PPIL4: variants seen among roughly 807,000 people sequenced by gnomAD.
PPIL4 encodes the protein peptidylprolyl isomerase like 4, also known as peptidyl-prolyl cis-trans isomerase-like 4.
PPIL4 carries 50 observed loss-of-function variants against 69.1 expected under a neutral mutation model. The observed-to-expected ratio is 0.72, with a 90% confidence interval of 0.58 to 0.92. The LOEUF is 0.92. PPIL4 is among the 40% of genes least tolerant of loss of function. PPIL4 has a pLI of 0.00. For synonymous variants in PPIL4, 193 were observed against 191.6 expected (o/e 1.01, Z -0.06); for missense variants, 480 against 587.9 (o/e 0.82, Z 1.90).
Position 149,535,714 on chromosome 6 carries a change from G to A in PPIL4, c.346C>T (p.Leu116=), listed in dbSNP as rs777575429. 14 of 1,606,742 alleles carry A rather than the reference G, an allele frequency of 8.7e-6. No homozygotes were observed. In the East Asian group the frequency reaches 3.1e-4, roughly 36 times the overall value. ...SQFLITTGEN[L]DYLDGVHTVF... ...GTATGGACACCATCAAGATAATCTAGATTTTCTCCTGTGGTGATAAGAAAC... is the reference window on the plus strand; with the variant it reads ...GTATGGACACCATCAAGATAATCTAAATTTTCTCCTGTGGTGATAAGAAAC... Residue 116 remains leucine, a synonymous_variant, in exon 5 of 13, where the codon CTA becomes TTA. Coordinates refer to ENST00000253329, the MANE Select transcript of PPIL4 (RefSeq NM_139126.4).
chr6:149,511,408 TGTGTGTGTGTGTACTTTTTGTCAAG>T (rs1776839727), intron 12 of PPIL4, among the ~76,000 whole-genome samples: 2 of 151,536 alleles, frequency 1.3e-5, no homozygotes, highest in South Asian at 2.1e-4. Flanking sequence ...TGTGTGTGTG[TGTGTGTGTGTGTACTTTTTGTCAAG>T]GTGTGTGTGT....
intron 10 of PPIL4, 144 bp downstream of exon 10, chr6:149,520,916 G>C (rs1454328817): frequency 1.3e-5 from 7 of 553,298 alleles, no homozygotes; most frequent in Non-Finnish European, 1.9e-5. Flanking sequence ...GGGAGGCTGA[G>C]GCATGAGAAT....
At chr6:149,544,976 C>A (rs928726361) in intron 1 of PPIL4, among the ~76,000 whole-genome samples, 1 of 152,176 alleles carries the variant, frequency 6.6e-6, no homozygotes, top group Non-Finnish European at 1.5e-5. Context: ...ATTCTCCACA[C>A]CGCTGCCTAT....
intron 10 of PPIL4, among the ~76,000 whole-genome samples, chr6:149,518,874 GAA>G (rs2115030884): frequency 1.3e-5 from 2 of 152,176 alleles, no homozygotes; most frequent in East Asian, 3.9e-4. Context: ...TTTATAAACT[GAA>G]AATAATACCA....
chr6:149,511,163 C>G (rs921489457), intron 12 of PPIL4, among the ~76,000 whole-genome samples: 51 of 152,034 alleles, frequency 3.4e-4, no homozygotes, highest in African/African-American at 1.2e-3. Context: ...TGAAATCCTT[C>G]TCATCCACCA....
At position 149,536,208 on chromosome 6, in the gene PPIL4, C is replaced by T. The variant is rs1583211757; in HGVS notation, c.322-470G>A. Among the ~76,000 whole-genome samples, 4 of 152,298 alleles carry T rather than the reference C, an allele frequency of 2.6e-5. No individual in the cohort carries two copies. In the South Asian group the frequency reaches 8.3e-4, roughly 32 times the overall value. On this transcript the variant is annotated intron_variant, in intron 4 of 12. Transcript: ENST00000253329. ...TGTTGTATGTGTTCTGACTACTCCA[C>T]CAACCAGCCATTCCCATCTTTCTCC... is the stretch of plus-strand genomic sequence containing the variant.
chr6:149,528,985 T>C (rs1291535210), intron 7 of PPIL4, among the ~76,000 whole-genome samples: 1 of 152,042 alleles, frequency 6.6e-6, no homozygotes, highest in Non-Finnish European at 1.5e-5. Flanking sequence ...TCCCAACACT[T>C]TGGGAGGCCA....
chr6:149,530,876 C>A (rs1167301735), intron 7 of PPIL4, among the ~76,000 whole-genome samples: 1 of 152,086 alleles, frequency 6.6e-6, no homozygotes, highest in Non-Finnish European at 1.5e-5. Context: ...AAGTGTCTAG[C>A]CACAGATTGT....
At chr6:149,508,410 A>G (rs150848549) in intron 12 of PPIL4, among the ~76,000 whole-genome samples, 33 of 152,328 alleles carry the variant, frequency 2.2e-4, no homozygotes, top group African/African-American at 7.9e-4. Context: ...AAGATGATTA[A>G]ACTACCATGT....
chr6:149,509,246 T>C (rs990135975), intron 12 of PPIL4, among the ~76,000 whole-genome samples: 3 of 152,202 alleles, frequency 2.0e-5, no homozygotes, highest in Admixed American at 6.5e-5. Flanking sequence ...CCCCAAAATC[T>C]TGATGCTTTT....
At chr6:149,514,476 C>T (rs1316346516) in intron 11 of PPIL4, among the ~76,000 whole-genome samples, 4 of 152,094 alleles carry the variant, frequency 2.6e-5, no homozygotes, top group African/African-American at 9.7e-5. Flanking sequence ...TGCACACCAC[C>T]ACACCCAGCT....
rs1276843562 is a variant in PPIL4 at position 149,504,916 on chromosome 6, C to T, written c.*537G>A. Reference sequence around the variant, plus strand: ...TATAGCAATAAAAATGAAAGAAAGTCACAGAAGTAAACATTTTGCCATTTA... The same window carrying T: ...TATAGCAATAAAAATGAAAGAAAGTTACAGAAGTAAACATTTTGCCATTTA... On this transcript the variant is annotated 3_prime_UTR_variant, in exon 13 of 13. Coordinates refer to ENST00000253329, the MANE Select transcript of PPIL4 (RefSeq NM_139126.4). 1 of 152,224 alleles carries T rather than the reference C, an allele frequency of 6.6e-6. No homozygotes were observed. The highest frequency in any genetic ancestry group is 2.4e-5 in the African/African-American group (1 of 41,398). 9.4% of individuals were successfully genotyped at this position (152,224 alleles called of 1,614,324 possible).
At chr6:149,535,822 A>G (rs929369497) in intron 4 of PPIL4, 84 bp from the exon 5 acceptor site, 1 of 931,446 alleles carries the variant, frequency 1.1e-6, no homozygotes, top group Non-Finnish European at 1.6e-6. Flanking sequence ...AAAAAAATAC[A>G]TGAAAGTTAA....
At chr6:149,515,683 C>A (rs540226410) in intron 11 of PPIL4, among the ~76,000 whole-genome samples, 2 of 152,176 alleles carry the variant, frequency 1.3e-5, no homozygotes, top group East Asian at 3.9e-4. Context: ...CTTGTCATAC[C>A]CTCAAGACAC....
chr6:149,513,968 G>A (rs923551511), intron 11 of PPIL4, among the ~76,000 whole-genome samples: 1 of 152,338 alleles, frequency 6.6e-6, no homozygotes, highest in Admixed American at 6.5e-5. Context: ...AAGCCCAACA[G>A]GCAGAGCTAT....
intron 12 of PPIL4, among the ~76,000 whole-genome samples, chr6:149,509,950 C>T (rs980582185): frequency 3.9e-5 from 6 of 152,056 alleles, no homozygotes; most frequent in Non-Finnish European, 8.8e-5. Context: ...TTTATAGAGA[C>T]AGGGCCTCCT....
At position 149,545,843 on chromosome 6, in the gene PPIL4, T is replaced by C. The variant is rs914592345; in HGVS notation, c.70+93A>G. 20 of 1,202,788 alleles carry C rather than the reference T, an allele frequency of 1.7e-5. No homozygotes were observed. In the South Asian group the frequency reaches 1.7e-4, roughly 10 times the overall value. 74.5% of individuals were successfully genotyped at this position (1,202,788 alleles called of 1,614,324 possible). On this transcript the variant is annotated intron_variant, in intron 1 of 12. Transcript: ENST00000253329. Reference sequence around the variant, plus strand: ...ACCAGCAGCCCAGAAGCTCGAGCTCTAGCCAATCTCTGCCCTGGACTGCGC... The same window carrying C: ...ACCAGCAGCCCAGAAGCTCGAGCTCCAGCCAATCTCTGCCCTGGACTGCGC...
chr6:149,545,980 A>G lies in PPIL4; in HGVS notation c.26T>C (p.Leu9Ser), dbSNP rs751869514. 22 of 1,587,652 alleles carry G rather than the reference A, an allele frequency of 1.4e-5. No individual in the cohort carries two copies. Among genetic ancestry groups the G allele is most frequent in the Non-Finnish European group, 1.7e-5 (20 of 1,164,426 alleles). The change falls in exon 1 of 13, where the codon TTA becomes TCA. Residue 9 changes from leucine to serine, a missense_variant. Leu to Ser is a moderately radical substitution (Grantham distance 145). Transcript: ENST00000253329. ...GTACAAGTCGATGACGACGTCGCCT[A>G]AAGTGGTCTCCAGTAGAACCGCCAT... Reference protein sequence around the residue: MAVLLETTLGDVVIDLYTE... With the variant: MAVLLETTSGDVVIDLYTE...
chr6:149,545,480 T>C (rs1436702391), intron 1 of PPIL4, among the ~76,000 whole-genome samples: 2 of 152,038 alleles, frequency 1.3e-5, no homozygotes, highest in East Asian at 3.8e-4. Context: ...AACCTCTTCC[T>C]CCTCCACCTA....
Sources: allele counts gnomAD v4.1 joint callset (sites outside exome capture counted in the v4.1 genomes callset), GRCh38; gene constraint gnomAD v4.1.1; transcripts MANE v1.5; gene names NCBI Gene and HGNC (gene_info 2026-07-23, HGNC 2026-07-21).